YIPF1: variants seen among roughly 807,000 people sequenced by gnomAD.
YIPF1 encodes protein YIPF1.
Under a neutral mutation model 37.0 loss-of-function variants are expected in YIPF1, and 22 were observed. The ratio of observed to expected loss-of-function variants is 0.59; its 90% CI spans 0.42 to 0.85. YIPF1 has a LOEUF of 0.85. Among genes scored for constraint, YIPF1 ranks in the 40% least tolerant of loss-of-function variants. YIPF1 has a pLI of 0.00. For missense variants in YIPF1, 355 were observed against 373.1 expected (o/e 0.95, Z 0.40); for synonymous variants, 128 against 131.9 (o/e 0.97, Z 0.21).
At chr1:53,880,404 A>T (rs573222631) in intron 4 of YIPF1, among the ~76,000 whole-genome samples, 1 of 152,352 alleles carries the variant, frequency 6.6e-6, no homozygotes, top group Non-Finnish European at 1.5e-5. Flanking sequence ...GCTCAAAGAA[A>T]TAAGAGAGGA....
At chr1:53,869,146 TCTCTCTCTCTCTCTCACA>T (rs1650107420) in intron 7 of YIPF1, among the ~76,000 whole-genome samples, 1 of 126,064 alleles carries the variant, frequency 7.9e-6, no homozygotes, top group East Asian at 2.6e-4. Flanking sequence ...TCTCTCTCTC[TCTCTCTCTCTCTCTCACA>T]CACACACACA....
chr1:53,861,684 G>GGGGGGA (rs1649883578), intron 9 of YIPF1, among the ~76,000 whole-genome samples: 1 of 123,544 alleles, frequency 8.1e-6, no homozygotes, highest in Non-Finnish European at 1.7e-5. Flanking sequence ...AAGGAAGGGA[G>GGGGGGA]AGAGAGAGGG....
rs142756220 is a variant in YIPF1, at chr1:53,871,370, A to G, written c.481+2T>C. The G allele has an allele frequency of 2.2e-3, 3,548 of 1,613,058 alleles. 18 individuals carry two copies. The highest frequency in any genetic ancestry group is 4.5e-3 in the Middle Eastern group (27 of 6,058). Reference sequence around the variant, plus strand: ...TCCAAATGAGTCAAGCTATTCACCAACCTTTTCGGAATTCGGGCACATAAT... The same window carrying G: ...TCCAAATGAGTCAAGCTATTCACCAGCCTTTTCGGAATTCGGGCACATAAT... On this transcript the variant is annotated splice_donor_variant, in intron 7 of 10. Transcript: ENST00000072644. LOFTEE classifies it high-confidence loss of function.
intron 3 of YIPF1, 124 bp downstream of exon 3, chr1:53,888,783 A>C (rs781074301): frequency 3.3e-5 from 34 of 1,018,604 alleles, no homozygotes; most frequent in Non-Finnish European, 4.5e-5. Context: ...GGATGTGGCC[A>C]ACAGCCACCA....
intron 6 of YIPF1, among the ~76,000 whole-genome samples, chr1:53,876,519 T>C (rs1650339672): frequency 1.3e-5 from 2 of 152,222 alleles, no homozygotes; most frequent in African/African-American, 2.4e-5. Flanking sequence ...ACCACGTCTA[T>C]GAGCTAATGA....
At chr1:53,881,811 A>G (rs1650508760) in intron 4 of YIPF1, among the ~76,000 whole-genome samples, 1 of 152,192 alleles carries the variant, frequency 6.6e-6, no homozygotes, top group Admixed American at 6.5e-5. Context: ...CGATTCCTCA[A>G]AGACCTAGAG....
Position 53,871,392 on chromosome 1 carries a change from T to G in YIPF1, c.461A>C (p.Tyr154Ser). The change falls in exon 7 of 11, where the codon TAT becomes TCT. Residue 154 changes from tyrosine to serine, a missense_variant. By Grantham distance (144) the Tyr-to-Ser change is moderately radical. Coordinates refer to ENST00000072644, the MANE Select transcript of YIPF1 (RefSeq NM_018982.5). Reference sequence around the variant, plus strand: ...CCAACCTTTTCGGAATTCGGGCACATAATGGTACGTCTTCTCTCCCAGATG... The same window carrying G: ...CCAACCTTTTCGGAATTCGGGCACAGAATGGTACGTCTTCTCTCCCAGATG... ...LIHLGEKTYH[Y>S]VPEFRKVSIA... The G allele has an allele frequency of 1.2e-6, 2 of 1,613,766 alleles. No homozygotes were observed. The highest frequency in any genetic ancestry group is 8.5e-7 in the Non-Finnish European group (1 of 1,179,796).
At chr1:53,888,175 A>G (rs566700211) in intron 3 of YIPF1, among the ~76,000 whole-genome samples, 1 of 152,304 alleles carries the variant, frequency 6.6e-6, no homozygotes, top group African/African-American at 2.4e-5. Context: ...GCAGCAAGCC[A>G]AGATCGAGCC....
At chr1:53,871,722 G>A (rs1298658426) in intron 6 of YIPF1, among the ~76,000 whole-genome samples, 1 of 151,930 alleles carries the variant, frequency 6.6e-6, no homozygotes, top group Admixed American at 6.6e-5. Context: ...AGGCCAAAAC[G>A]CCTTCCACAA....
intron 5 of YIPF1, 82 bp downstream of exon 5, chr1:53,878,560 T>C (rs1650396739): frequency 6.6e-7 from 1 of 1,507,656 alleles, no homozygotes; most frequent in Non-Finnish European, 9.1e-7. Flanking sequence ...ATATAAAGGC[T>C]TTCACATTAT....
At chr1:53,868,466 G>T (rs1650090734) in intron 7 of YIPF1, among the ~76,000 whole-genome samples, 1 of 152,196 alleles carries the variant, frequency 6.6e-6, no homozygotes, top group African/African-American at 2.4e-5. Context: ...AGAATTAAAT[G>T]AATAAAAGCA....
At chr1:53,880,064 AAGGGTATTCAAATAGGAAG>A (rs1372516529) in intron 4 of YIPF1, among the ~76,000 whole-genome samples, 23 of 152,090 alleles carry the variant, frequency 1.5e-4, no homozygotes, top group East Asian at 7.7e-4. Context: ...GAAACAAATA[AAGGGTATTCAAATAGGAAG>A]AGGGTATTCA....
chr1:53,864,597 C>A (rs780779166), intron 9 of YIPF1, among the ~76,000 whole-genome samples: 1 of 150,844 alleles, frequency 6.6e-6, no homozygotes, highest in Non-Finnish European at 1.5e-5. Flanking sequence ...GAAACATTTA[C>A]TCCTAAAATT....
At chr1:53,857,248 A>T (rs1649743288) in intron 10 of YIPF1, among the ~76,000 whole-genome samples, 1 of 152,228 alleles carries the variant, frequency 6.6e-6, no homozygotes, top group Non-Finnish European at 1.5e-5. Context: ...AGAGAATCTG[A>T]AGTAGAGGAG....
At chr1:53,857,209 C>G (rs1309763029) in intron 10 of YIPF1, among the ~76,000 whole-genome samples, 1 of 152,202 alleles carries the variant, frequency 6.6e-6, no homozygotes, top group African/African-American at 2.4e-5. Context: ...GACACCAGCC[C>G]TGGCCAATGT....
At chr1:53,863,725 CT>C (rs1286240451) in intron 9 of YIPF1, among the ~76,000 whole-genome samples, 1 of 151,922 alleles carries the variant, frequency 6.6e-6, no homozygotes, top group Non-Finnish European at 1.5e-5. Context: ...GCCACAGGTA[CT>C]AGATGAAATG....
chr1:53,866,437 C>A, intron 8 of YIPF1, 55 bp from the exon 9 acceptor site: 1 of 1,571,502 alleles, frequency 6.4e-7, no homozygotes, highest in Admixed American at 1.8e-5. Flanking sequence ...TTGTTCATTC[C>A]AGGCACATAT....
intron 7 of YIPF1, among the ~76,000 whole-genome samples, chr1:53,867,367 CTTTT>C (rs57424528): frequency 2.5e-4 from 28 of 111,594 alleles, no homozygotes; most frequent in African/African-American, 9.4e-4. Flanking sequence ...CACTGACTTC[CTTTT>C]TTTTTTTTTT....
intron 7 of YIPF1, among the ~76,000 whole-genome samples, chr1:53,868,228 T>C (rs1452839027): frequency 6.6e-6 from 1 of 152,220 alleles, no homozygotes; most frequent in African/African-American, 2.4e-5. Context: ...CCCATGGCTA[T>C]AGCTGTCACT....
Sources: allele counts gnomAD v4.1 joint callset (sites outside exome capture counted in the v4.1 genomes callset), GRCh38; gene constraint gnomAD v4.1.1; transcripts MANE v1.5; gene names NCBI Gene and HGNC (gene_info 2026-07-23, HGNC 2026-07-21).